CNTNAP5: variants seen among roughly 807,000 people sequenced by gnomAD.
The protein encoded by CNTNAP5 is contactin-associated protein-like 5.
In CNTNAP5, 72 loss-of-function variants were observed where a neutral mutation model predicts 150.2. The ratio of observed to expected loss-of-function variants is 0.48; its 90% CI spans 0.40 to 0.58. The LOEUF is 0.58. CNTNAP5 is among the 20% of genes least tolerant of loss of function. The pLI is 0.00. For missense variants in CNTNAP5, 1,636 were observed against 1,626.2 expected (o/e 1.01, Z -0.10); for synonymous variants, 672 against 619.8 (o/e 1.08, Z -1.25).
intron 12 of CNTNAP5, among the ~76,000 whole-genome samples, chr2:124,633,404 G>T (rs890720587): frequency 6.6e-6 from 1 of 152,248 alleles, no homozygotes; most frequent in Admixed American, 6.5e-5. Flanking sequence ...CAGCAGGGCA[G>T]TCATTACCTT....
rs987708968 is a variant in CNTNAP5 at position 124,721,893 on chromosome 2, G to GT, written c.2078-25328dup. Reference sequence around the variant, plus strand: ...GCACAAGCAAGGTGCTGGCAGAAATGTTTTTTTTCCAACACCTGTCCCCTG... The same window carrying GT: ...GCACAAGCAAGGTGCTGGCAGAAATGTTTTTTTTTCCAACACCTGTCCCCTG... On this transcript the variant is annotated intron_variant, in intron 13 of 23. Transcript: ENST00000682447. Among the ~76,000 whole-genome samples, 84 of 151,856 alleles carry GT rather than the reference G, an allele frequency of 5.5e-4. 1 individual carries two copies. The highest frequency in any genetic ancestry group is 3.4e-3 in the Middle Eastern group (1 of 292).
intron 3 of CNTNAP5, among the ~76,000 whole-genome samples, chr2:124,250,890 A>G (rs1009084787): frequency 1.3e-5 from 2 of 152,032 alleles, no homozygotes; most frequent in African/African-American, 4.8e-5. Context: ...AAAGCATAAT[A>G]CAGTAACCAC....
At chr2:124,556,658 G>C (rs969318346) in intron 10 of CNTNAP5, among the ~76,000 whole-genome samples, 1 of 152,102 alleles carries the variant, frequency 6.6e-6, no homozygotes, top group Non-Finnish European at 1.5e-5. Context: ...CATCGGGGTG[G>C]GGTGATAAGT....
chr2:124,537,701 A>G (rs1695272056), intron 10 of CNTNAP5, among the ~76,000 whole-genome samples: 1 of 152,190 alleles, frequency 6.6e-6, no homozygotes, highest in Non-Finnish European at 1.5e-5. Flanking sequence ...CTTGAATCTC[A>G]GAAAAGAAGA....
chr2:124,558,041 T>C (rs942803620), intron 10 of CNTNAP5, among the ~76,000 whole-genome samples: 3 of 152,102 alleles, frequency 2.0e-5, no homozygotes, highest in Non-Finnish European at 4.4e-5. Context: ...CTAGATAAAA[T>C]AGGGAGCCAG....
At position 124,902,764 on chromosome 2, in the gene CNTNAP5, T is replaced by C. The variant is rs1558819844; in HGVS notation, c.3437-118T>C. The C allele has an allele frequency of 4.7e-6, 3 of 639,842 alleles. No individual in the cohort carries two copies. The South Asian group carries it at 7.7e-5, about 16-fold the overall frequency. The allele number at this position is 639,842 out of a possible 1,614,324, so 39.6% of individuals were successfully genotyped here. On this transcript the variant is annotated intron_variant, in intron 21 of 23. Coordinates refer to ENST00000682447, the MANE Select transcript of CNTNAP5 (RefSeq NM_001367498.1). ...GAGATAGATAGGGGAGGGTTTTCTT[T>C]ACTCAAACAATAACAAGGTAATTTC... is the stretch of plus-strand genomic sequence containing the variant.
chr2:124,912,526 CA>C (rs1322634774), intron 23 of CNTNAP5, among the ~76,000 whole-genome samples: 3 of 152,012 alleles, frequency 2.0e-5, no homozygotes, highest in African/African-American at 7.2e-5. Context: ...CTCCTGAGAA[CA>C]TGAAGAAAGG....
chr2:124,777,774 G>GGTGT (rs1558771618), intron 17 of CNTNAP5, among the ~76,000 whole-genome samples: 1 of 104,658 alleles, frequency 9.6e-6, no homozygotes, highest in Non-Finnish European at 2.0e-5. Flanking sequence ...AGAATGGAGG[G>GGTGT]ATGTGTGTGT....
intron 12 of CNTNAP5, among the ~76,000 whole-genome samples, chr2:124,619,139 A>G (rs144073509): frequency 6.6e-6 from 1 of 152,300 alleles, no homozygotes; most frequent in Non-Finnish European, 1.5e-5. Flanking sequence ...ATGGATGCAG[A>G]GCATTTCAGC....
intron 2 of CNTNAP5, among the ~76,000 whole-genome samples, chr2:124,230,835 A>T (rs1467295994): frequency 6.6e-6 from 1 of 152,042 alleles, no homozygotes; most frequent in Non-Finnish European, 1.5e-5. Context: ...CCCAGCCTCT[A>T]ATGTGTTTTA....
intron 1 of CNTNAP5, among the ~76,000 whole-genome samples, chr2:124,106,452 A>C (rs1683174604): frequency 6.6e-6 from 1 of 152,186 alleles, no homozygotes; most frequent in Non-Finnish European, 1.5e-5. Flanking sequence ...TGAGTTAACC[A>C]TTAATGGCCA....
In CNTNAP5 at chr2:124,585,020, C is replaced by T. The variant is rs940953283; in HGVS notation, c.1756+21697C>T. Among the ~76,000 whole-genome samples, 17 of 152,200 alleles carry T rather than the reference C, an allele frequency of 1.1e-4. 1 individual carries two copies. The highest frequency in any genetic ancestry group is 3.9e-4 in the African/African-American group (16 of 41,448). On this transcript the variant is annotated intron_variant, in intron 11 of 23. Coordinates refer to ENST00000682447, the MANE Select transcript of CNTNAP5 (RefSeq NM_001367498.1). ...AAATAGGAATACTTGTTAGCAGGCT[C>T]TTTCCCCAGAAGGCTTCAGGAACCG...
intron 11 of CNTNAP5, among the ~76,000 whole-genome samples, chr2:124,592,706 A>G (rs1001104215): frequency 4.0e-5 from 6 of 151,776 alleles, no homozygotes; most frequent in Non-Finnish European, 8.8e-5. Context: ...TTATTTTTCT[A>G]TAAGTAACGT....
Position 124,407,482 on chromosome 2 carries a change from G to T in CNTNAP5, c.382-9961G>T, listed in dbSNP as rs2104764798. On this transcript the variant is annotated intron_variant, in intron 3 of 23. Coordinates refer to ENST00000682447, the MANE Select transcript of CNTNAP5 (RefSeq NM_001367498.1). ...AATGGCAGGATACTAGAAAGAAAAG[G>T]CATATCAGTGTATTTAACATGGATA... Among the ~76,000 whole-genome samples the T allele has an allele frequency of 1.3e-5, 2 of 152,186 alleles. 1 individual carries two copies. Among genetic ancestry groups the T allele is most frequent in the Admixed American group, 1.3e-4 (2 of 15,282 alleles).
Position 124,353,348 on chromosome 2 carries a change from C to T in CNTNAP5, c.382-64095C>T, listed in dbSNP as rs553505739. On this transcript the variant is annotated intron_variant, in intron 3 of 23. Transcript: ENST00000682447. ...ACAGCACCATAAGAAGAGAGTGTGA[C>T]ATTTAATCTAATGGCCCAAAACTGG... 4.2e-5 allele frequency among the ~76,000 whole-genome samples: 6 copies of T among 141,406 alleles called. No homozygotes were observed. The South Asian group carries it at 1.4e-3, about 32-fold the overall frequency. 92.8% of individuals were successfully genotyped at this position (141,406 alleles called of 152,430 possible). A position where few individuals can be genotyped will look rare whatever the true frequency, so the allele number is the denominator to read the frequency against.
intron 22 of CNTNAP5, among the ~76,000 whole-genome samples, chr2:124,908,289 T>C (rs1334912474): frequency 2.0e-5 from 3 of 151,948 alleles, no homozygotes; most frequent in Non-Finnish European, 4.4e-5. Context: ...GAGAGTAGCT[T>C]GAACCTGGGA....
At position 124,046,662 on chromosome 2, in the gene CNTNAP5, C is replaced by T. The variant is rs1440869767; in HGVS notation, c.82+20930C>T. ...CAGGTCAAGTTGCAAGAAAAGAAGA[C>T]GATTGGGTTTTTAATGCTAAGGGGA... On this transcript the variant is annotated intron_variant, in intron 1 of 23. Transcript: ENST00000682447. Among the ~76,000 whole-genome samples the T allele has an allele frequency of 3.3e-5, 5 of 152,104 alleles. No homozygotes were observed. In the Middle Eastern group the frequency reaches 0.01, roughly 310 times the overall value.
chr2:124,034,315 A>G (rs192346924), intron 1 of CNTNAP5, among the ~76,000 whole-genome samples: 308 of 152,332 alleles, frequency 2.0e-3, no homozygotes, highest in Admixed American at 4.6e-3. Context: ...GGATTTTCTC[A>G]TAATAACTAA....
intron 3 of CNTNAP5, among the ~76,000 whole-genome samples, chr2:124,381,887 A>T (rs1690804532): frequency 6.6e-6 from 1 of 152,120 alleles, no homozygotes; most frequent in Non-Finnish European, 1.5e-5. Flanking sequence ...AATTAAAAAC[A>T]AGAAGGGAAG....
Sources: allele counts gnomAD v4.1 joint callset (sites outside exome capture counted in the v4.1 genomes callset), GRCh38; gene constraint gnomAD v4.1.1; transcripts MANE v1.5; gene names NCBI Gene and HGNC (gene_info 2026-07-23, HGNC 2026-07-21).